PTPRD: variants seen among roughly 807,000 people sequenced by gnomAD.
PTPRD encodes receptor-type tyrosine-protein phosphatase delta.
Under a neutral mutation model 214.5 loss-of-function variants are expected in PTPRD, and 34 were observed. The ratio of observed to expected loss-of-function variants is 0.16; its 90% CI spans 0.12 to 0.21. PTPRD has a LOEUF of 0.21. PTPRD is among the 10% of genes least tolerant of loss of function. The probability of loss-of-function intolerance (pLI) is 1.00; values close to 1 mark genes in which losing one functional copy is unlikely to be tolerated. For synonymous variants in PTPRD, 1,128 were observed against 845.7 expected (o/e 1.33, Z -5.79); for missense variants, 2,545 against 2,398.7 (o/e 1.06, Z -1.27).
chr9:8,765,707 A>G (rs931403179), intron 11 of PTPRD, among the ~76,000 whole-genome samples: 1 of 152,216 alleles, frequency 6.6e-6, no homozygotes, highest in African/African-American at 2.4e-5. Flanking sequence ...TGCTGTTTTA[A>G]GTTGTTAAAC....
intron 2 of PTPRD, among the ~76,000 whole-genome samples, chr9:10,531,178 G>C (rs1394169536): frequency 6.6e-6 from 1 of 151,918 alleles, no homozygotes; most frequent in Non-Finnish European, 1.5e-5. Flanking sequence ...TTAAACTCCT[G>C]ACCTCAAGTG....
At chr9:9,233,033 G>C (rs2099964117) in intron 9 of PTPRD, among the ~76,000 whole-genome samples, 1 of 152,114 alleles carries the variant, frequency 6.6e-6, no homozygotes, top group South Asian at 2.1e-4. Context: ...CCTTATACCA[G>C]AAGGGGCCCT....
chr9:9,304,894 T>C (rs1320085980), intron 9 of PTPRD, among the ~76,000 whole-genome samples: 1 of 149,492 alleles, frequency 6.7e-6, no homozygotes, highest in African/African-American at 2.5e-5. Context: ...CATGAAAGGA[T>C]AGGGGAGAAT....
chr9:9,579,631 C>A (rs1477750906), intron 7 of PTPRD, among the ~76,000 whole-genome samples: 1 of 152,046 alleles, frequency 6.6e-6, no homozygotes, highest in Non-Finnish European at 1.5e-5. Flanking sequence ...TGTTCCCCTC[C>A]CTGTATGTTC....
intron 2 of PTPRD, among the ~76,000 whole-genome samples, chr9:10,508,996 T>C (rs1228298026): frequency 6.6e-6 from 1 of 152,052 alleles, no homozygotes; most frequent in Non-Finnish European, 1.5e-5. Flanking sequence ...AATGTCGATA[T>C]GTGTTTTTAG....
intron 2 of PTPRD, among the ~76,000 whole-genome samples, chr9:10,375,429 C>T (rs1535666): frequency 0.73 from 110,062 of 151,624 alleles, 42,795 homozygotes; most frequent in East Asian, 0.89. Context: ...ATTTAATAAC[C>T]ATGAGACTAC....
At chr9:10,331,906 G>T (rs1299837985) in intron 3 of PTPRD, among the ~76,000 whole-genome samples, 1 of 151,710 alleles carries the variant, frequency 6.6e-6, no homozygotes, top group Admixed American at 6.6e-5. Flanking sequence ...AAATCATCTA[G>T]GAAATATTTA....
intron 9 of PTPRD, among the ~76,000 whole-genome samples, chr9:9,319,432 TA>T (rs1965244182): frequency 6.6e-6 from 1 of 152,050 alleles, no homozygotes; most frequent in African/African-American, 2.4e-5. Context: ...AAGATAAAAA[TA>T]AAAGATGAAA....
Position 9,854,995 on chromosome 9 carries a change from TA to T in PTPRD, c.-368+83511del, listed in dbSNP as rs2061275163. Among the ~76,000 whole-genome samples the T allele has an allele frequency of 5.9e-5, 9 of 152,206 alleles. No homozygotes were observed. The South Asian group carries it at 1.9e-3, about 32-fold the overall frequency. ...GATACATTATTTTGTCAAATGGCCA[TA>T]AAATGAAGCAAAATCAACAAATCCT... is the stretch of plus-strand genomic sequence containing the variant. On this transcript the variant is annotated intron_variant, in intron 5 of 45. Coordinates refer to ENST00000381196, the MANE Select transcript of PTPRD (RefSeq NM_002839.4).
At chr9:9,262,902 T>C (rs1441396649) in intron 9 of PTPRD, among the ~76,000 whole-genome samples, 1 of 151,690 alleles carries the variant, frequency 6.6e-6, no homozygotes, top group Non-Finnish European at 1.5e-5. Context: ...CAAAAATTAT[T>C]CATCTTACTT....
intron 3 of PTPRD, among the ~76,000 whole-genome samples, chr9:10,076,331 G>A (rs758704298): frequency 6.6e-6 from 1 of 151,998 alleles, no homozygotes; most frequent in African/African-American, 2.4e-5. Context: ...GTTTAAGAGC[G>A]GGTGTAAACC....
chr9:10,484,812 G>C (rs1042250486), intron 2 of PTPRD, among the ~76,000 whole-genome samples: 12 of 151,898 alleles, frequency 7.9e-5, no homozygotes, highest in African/African-American at 2.4e-4. Context: ...CTCTTATTCT[G>C]TGCGTTGTCT....
intron 5 of PTPRD, among the ~76,000 whole-genome samples, chr9:9,916,258 G>A (rs1366191722): frequency 6.6e-6 from 1 of 151,788 alleles, no homozygotes; most frequent in African/African-American, 2.4e-5. Context: ...TAAAAAGGTG[G>A]TAAATACCAT....
intron 10 of PTPRD, among the ~76,000 whole-genome samples, chr9:9,140,762 T>G (rs977775221): frequency 1.3e-5 from 2 of 152,140 alleles, no homozygotes; most frequent in Non-Finnish European, 2.9e-5. Flanking sequence ...GTGTTTTTAG[T>G]AGAGACGGGG....
rs146165366 is a variant in PTPRD, at chr9:9,472,977, A to T, written c.-236-75495T>A. ...TATTTATTATTTCTTTGTGTTGTTA[A>T]CACTTAAAATCCTTTTCTAGATTTT... On this transcript the variant is annotated intron_variant, in intron 8 of 45. Coordinates refer to ENST00000381196, the MANE Select transcript of PTPRD (RefSeq NM_002839.4). 7.2e-5 allele frequency among the ~76,000 whole-genome samples: 11 copies of T among 152,334 alleles called. No individual in the cohort carries two copies. The East Asian group carries it at 1.5e-3, about 21-fold the overall frequency.
chr9:8,643,515 G>A (rs1219724458), intron 12 of PTPRD, among the ~76,000 whole-genome samples: 1 of 152,216 alleles, frequency 6.6e-6, no homozygotes, highest in Non-Finnish European at 1.5e-5. Flanking sequence ...AGCGGCCACT[G>A]CCCTCACACT....
Position 8,341,384 on chromosome 9 carries a change from A to T in PTPRD, c.4948-116T>A, listed in dbSNP as rs1447109536. The T allele has an allele frequency of 2.7e-6, 3 of 1,107,486 alleles. No homozygotes were observed. In the African/African-American group the frequency reaches 4.7e-5, roughly 18 times the overall value. 68.6% of individuals were successfully genotyped at this position (1,107,486 alleles called of 1,614,324 possible). A position where few individuals can be genotyped will look rare whatever the true frequency, so the allele number is the denominator to read the frequency against. On this transcript the variant is annotated intron_variant, in intron 40 of 45. Transcript: ENST00000381196. ...AGATATAAATCTTTTGTTTACTTAA[A>T]GTAAATGACTATTCAAATTGTACTG... is the stretch of plus-strand genomic sequence containing the variant.
At chr9:8,320,367 G>A (rs571092305) in intron 44 of PTPRD, among the ~76,000 whole-genome samples, 5 of 152,010 alleles carry the variant, frequency 3.3e-5, no homozygotes, top group African/African-American at 9.6e-5. Flanking sequence ...AGTGAATTTG[G>A]CATCTTCAAC....
At chr9:9,880,061 C>T (rs1053352597) in intron 5 of PTPRD, among the ~76,000 whole-genome samples, 36 of 152,070 alleles carry the variant, frequency 2.4e-4, no homozygotes. Context: ...GACCTATATC[C>T]CCAAGTGTCC....
Sources: gnomAD v4.1 joint callset for allele counts (sites outside exome capture counted in the v4.1 genomes callset) on GRCh38, gnomAD v4.1.1 for gene constraint, MANE v1.5 for transcripts, NCBI Gene and HGNC (gene_info 2026-07-23, HGNC 2026-07-21) for gene names.